SDK1: variants seen among roughly 807,000 people sequenced by gnomAD.
SDK1 encodes protein sidekick-1.
A neutral mutation model predicts 245.5 loss-of-function variants in SDK1; 157 were observed. The ratio of observed to expected loss-of-function variants is 0.64; its 90% confidence interval spans 0.56 to 0.73. SDK1 has a LOEUF of 0.73. Ranked by LOEUF, SDK1 falls within the 30% of genes least tolerant of loss-of-function variation. The pLI, the probability that SDK1 is intolerant of heterozygous loss-of-function variation, is 0.00. For synonymous variants in SDK1, 1,647 were observed against 1,278.5 expected, an observed-to-expected ratio of 1.29 and a Z score of -6.15; for missense variants, 3,583 against 3,002.3, an observed-to-expected ratio of 1.19 and a Z score of -4.52.
chr7:3,990,024 C>T (rs1010941998), intron 14 of SDK1, among the ~76,000 whole-genome samples: 16 of 152,228 alleles, frequency 1.1e-4, no homozygotes, highest in African/African-American at 3.6e-4. Context: ...GAGGAGCCTT[C>T]GGAAGCAGAG....
At chr7:4,007,863 A>G (rs931020024) in intron 14 of SDK1, among the ~76,000 whole-genome samples, 12 of 152,084 alleles carry the variant, frequency 7.9e-5, no homozygotes, top group Admixed American at 6.5e-4. Context: ...CTCAGCCTCC[A>G]AAAGTGCAGG....
chr7:3,803,745 CT>C (rs60802259), intron 4 of SDK1, among the ~76,000 whole-genome samples: 13,306 of 119,898 alleles, frequency 0.11, 331 homozygotes, highest in Middle Eastern at 0.21. Context: ...GTATTTTCCT[CT>C]TTTTTTTTTT....
chr7:3,806,625 C>G (rs936339441), intron 4 of SDK1, among the ~76,000 whole-genome samples: 1 of 151,888 alleles, frequency 6.6e-6, no homozygotes, highest in Admixed American at 6.5e-5. Flanking sequence ...CTGCTTGTGG[C>G]AAACCTAAAA....
At chr7:3,856,962 G>T (rs1431192270) in intron 5 of SDK1, among the ~76,000 whole-genome samples, 1 of 152,108 alleles carries the variant, frequency 6.6e-6, no homozygotes, top group African/African-American at 2.4e-5. Context: ...ATTTCCTGCT[G>T]AAAAGGAAGG....
At chr7:4,198,228 C>A (rs370263200) in intron 35 of SDK1, among the ~76,000 whole-genome samples, 2 of 152,314 alleles carry the variant, frequency 1.3e-5, no homozygotes, top group East Asian at 3.9e-4. Flanking sequence ...CTTCTGCTAG[C>A]GGCCCAAACC....
At chr7:3,592,242 C>A (rs1346110585) in intron 1 of SDK1, among the ~76,000 whole-genome samples, 1 of 152,156 alleles carries the variant, frequency 6.6e-6, no homozygotes, top group Non-Finnish European at 1.5e-5. Flanking sequence ...TGATTTCTTA[C>A]TATAAAATGT....
In SDK1 at chr7:3,728,020, T is replaced by A. The variant is rs1583348348; in HGVS notation, c.713+85915T>A. ...CTTGACAGTTTGAAGGGGCACTGGTTAGGTATTTTGTAATATGTTCTTCAG... is the reference window on the plus strand; with the variant it reads ...CTTGACAGTTTGAAGGGGCACTGGTAAGGTATTTTGTAATATGTTCTTCAG... On this transcript the variant is annotated intron_variant, in intron 4 of 44. Transcript: ENST00000404826. Among the ~76,000 whole-genome samples, 3 of 152,296 alleles carry A rather than the reference T, an allele frequency of 2.0e-5. No homozygotes were observed. In the East Asian group the frequency reaches 5.8e-4, roughly 29 times the overall value.
At chr7:3,766,756 C>G (rs1207480548) in intron 4 of SDK1, among the ~76,000 whole-genome samples, 3 of 152,062 alleles carry the variant, frequency 2.0e-5, no homozygotes, top group Admixed American at 2.0e-4. Flanking sequence ...GAGATTAGGG[C>G]TTGTTCCTTT....
At chr7:3,452,727 T>G (rs1352825036) in intron 1 of SDK1, among the ~76,000 whole-genome samples, 1 of 152,184 alleles carries the variant, frequency 6.6e-6, no homozygotes, top group Non-Finnish European at 1.5e-5. Context: ...ATTGACTTTG[T>G]GTGGAATTTC....
chr7:3,829,885 C>T (rs1028222672), intron 5 of SDK1, among the ~76,000 whole-genome samples: 1 of 152,204 alleles, frequency 6.6e-6, no homozygotes, highest in East Asian at 1.9e-4. Flanking sequence ...CAGTGAGGCA[C>T]GTTTGGGCGG....
At chr7:3,913,915 C>T (rs1779277532) in intron 5 of SDK1, among the ~76,000 whole-genome samples, 1 of 152,160 alleles carries the variant, frequency 6.6e-6, no homozygotes. Context: ...CCAGATTACA[C>T]ATTAAGTTAG....
At chr7:3,666,210 G>A (rs1233878034) in intron 4 of SDK1, among the ~76,000 whole-genome samples, 5 of 152,116 alleles carry the variant, frequency 3.3e-5, no homozygotes, top group African/African-American at 7.2e-5. Flanking sequence ...TCAAGATGAA[G>A]TTCGAGCACT....
intron 4 of SDK1, among the ~76,000 whole-genome samples, chr7:3,704,326 C>T (rs539800639): frequency 1.4e-5 from 2 of 148,132 alleles, no homozygotes; most frequent in South Asian, 2.1e-4. Context: ...ACGCATTGTT[C>T]GATGGGCACT....
intron 4 of SDK1, among the ~76,000 whole-genome samples, chr7:3,748,043 T>A (rs182123786): frequency 6.6e-6 from 1 of 152,022 alleles, no homozygotes; most frequent in Admixed American, 6.5e-5. Flanking sequence ...TATATCACAG[T>A]TACTATATGT....
chr7:3,951,880 T>C lies in SDK1; in HGVS notation c.1110T>C (p.Ala370=), dbSNP rs760500498. The change falls in exon 7 of 45, where the codon GCT becomes GCC. Residue 370 remains alanine (A), a synonymous_variant. Coordinates refer to ENST00000404826, the MANE Select transcript of SDK1 (RefSeq NM_152744.4). ...GCGAGGCGGCGCTGCCGGGGAGCGC[T>C]TTTGAACCGGCCAGGGCGACGGCCT... ...YVCEAALPGS[A]FEPARATAFL... The C allele has an allele frequency of 1.2e-6, 2 of 1,613,584 alleles. No homozygotes were observed. Among genetic ancestry groups the C allele is most frequent in the East Asian group, 2.2e-5 (1 of 44,864 alleles).
chr7:3,829,367 G>C (rs1441414620), intron 5 of SDK1, among the ~76,000 whole-genome samples: 1 of 152,104 alleles, frequency 6.6e-6, no homozygotes, highest in Non-Finnish European at 1.5e-5. Flanking sequence ...GAGAGGAGAA[G>C]GCCCTAACAT....
chr7:4,126,184 G>A (rs1784381656), intron 25 of SDK1, among the ~76,000 whole-genome samples: 1 of 152,228 alleles, frequency 6.6e-6, no homozygotes, highest in African/African-American at 2.4e-5. Flanking sequence ...TATAAACAGG[G>A]CCTTCCCTGA....
intron 4 of SDK1, among the ~76,000 whole-genome samples, chr7:3,742,321 T>C (rs1779500860): frequency 6.6e-6 from 1 of 152,120 alleles, no homozygotes; most frequent in Admixed American, 6.5e-5. Flanking sequence ...AGACACAAGA[T>C]GAGCTCTCTG....
intron 1 of SDK1, among the ~76,000 whole-genome samples, chr7:3,574,084 C>A (rs1404719664): frequency 2.6e-5 from 4 of 151,584 alleles, no homozygotes; most frequent in Admixed American, 2.6e-4. Flanking sequence ...TGCAGCTATC[C>A]TTCCTGATCA....
Sources: gnomAD v4.1 joint callset for allele counts (sites outside exome capture counted in the v4.1 genomes callset) on GRCh38, gnomAD v4.1.1 for gene constraint, MANE v1.5 for transcripts, NCBI Gene and HGNC (gene_info 2026-07-23, HGNC 2026-07-21) for gene names.